The following ZBTB14 variants were observed in gnomAD, a reference collection of about 807,000 sequenced individuals.
ZBTB14 encodes zinc finger and BTB domain containing 14.
A neutral mutation model predicts 29.5 loss-of-function variants in ZBTB14; 8 were observed. The observed-to-expected ratio is 0.27, with a 90% confidence interval of 0.16 to 0.49. The LOEUF (loss-of-function observed/expected upper bound fraction) is 0.49, where lower values mean the gene tolerates loss of function less well. Ranked by LOEUF, ZBTB14 falls within the 20% of genes least tolerant of loss-of-function variation. The probability of loss-of-function intolerance (pLI) is 0.99; values close to 1 mark genes in which losing one functional copy is unlikely to be tolerated. For missense variants in ZBTB14, 333 were observed against 563.8 expected, an observed-to-expected ratio of 0.59 and a Z score of 4.15; for synonymous variants, 226 against 207.2, an observed-to-expected ratio of 1.09 and a Z score of -0.78.
At chr18:5,293,213 A>G (rs768318712) in intron 3 of ZBTB14, 31 bp downstream of exon 3, 5 of 1,610,790 alleles carry the variant, frequency 3.1e-6, no homozygotes, top group Middle Eastern at 1.7e-4. Context: ...AGTCATTTTC[A>G]TCAAGATTTA....
upstream of ZBTB14, chr18:5,296,234 C>G (rs554052625): frequency 6.0e-5 from 9 of 150,686 alleles, no homozygotes; most frequent in South Asian, 1.7e-3. Flanking sequence ...CGCACGCGCG[C>G]GCACGCGCGC....
chr18:5,289,267 A>G lies in ZBTB14; in HGVS notation c.*1591T>C, dbSNP rs2143204521. ...AAAATTAAACATTTTACCAATAACT[A>G]AAATTTTTAAAAAGGTAGCATCTTC... is the stretch of plus-strand genomic sequence containing the variant. On this transcript the variant is annotated 3_prime_UTR_variant, in exon 4 of 4. Transcript: ENST00000651870. The G allele has an allele frequency of 6.6e-6, 1 of 152,338 alleles. No homozygotes were observed. The highest frequency in any genetic ancestry group is 2.4e-5 in the African/African-American group (1 of 41,584). The allele number at this position is 152,338 out of a possible 1,614,324, so 9.4% of individuals were successfully genotyped here.
chr18:5,291,324 T>G lies in ZBTB14; in HGVS notation c.884A>C (p.His295Pro). 1.2e-6 allele frequency: 2 copies of G among 1,614,256 alleles called. No individual in the cohort carries two copies. The highest frequency in any genetic ancestry group is 1.7e-6 in the Non-Finnish European group (2 of 1,180,044). The part of the protein sequence containing the change: ...TFSDEGRLRK[H>P]EKLHTADRPF... ...CCTGTCCGCCGTGTGGAGTTTCTCA[T>G]GCTTCCTCAATCTGCCTTCATCAGA... The change falls in exon 4 of 4, where the codon CAT becomes CCT. Residue 295 changes from histidine to proline, a missense_variant. His to Pro is a moderately conservative substitution (Grantham distance 77). Transcript: ENST00000651870. This position sits in a 1 kb window ranked among gnomAD's most constrained non-coding sequence, Gnocchi z 5.8.
At chr18:5,296,530 C>G (rs2071972229), upstream of ZBTB14, among the ~76,000 whole-genome samples, 3 of 151,710 alleles carry the variant, frequency 2.0e-5, no homozygotes, top group South Asian at 6.2e-4. Context: ...CGTCTCGGAG[C>G]GGGCGCCCCG....
chr18:5,290,626 TG>T lies in ZBTB14; in HGVS notation c.*231del, dbSNP rs11334293. On this transcript the variant is annotated 3_prime_UTR_variant, in exon 4 of 4. Transcript: ENST00000651870. ...AAAAAAAAGGGAGAGAGGTGCTTAC[TG>T]GGCAACATTAATACTAGACACCAGA... 1 allele frequency: 505,713 copies of T among 505,720 alleles called. 252,853 individuals carry two copies. The highest frequency in any genetic ancestry group is 1 in the Middle Eastern group (1,884 of 1,884). The allele number at this position is 505,720 out of a possible 1,614,324, so 31.3% of individuals were successfully genotyped here.
chr18:5,294,416 C>T (rs1476283410), intron 1 of ZBTB14, among the ~76,000 whole-genome samples: 1 of 152,168 alleles, frequency 6.6e-6, no homozygotes, highest in African/African-American at 2.4e-5. Context: ...TGCATGGGAC[C>T]AGAGAGAGGA....
Position 5,291,551 on chromosome 18 carries a change from T to C in ZBTB14, c.657A>G (p.Glu219=). 6.2e-7 allele frequency: 1 copy of C among 1,614,050 alleles called. No individual in the cohort carries two copies. The highest frequency in any genetic ancestry group is 8.5e-7 in the Non-Finnish European group (1 of 1,180,016). The change falls in exon 4 of 4, where the codon GAA becomes GAG. Residue 219 remains glutamate, a synonymous_variant. Coordinates refer to ENST00000651870, the MANE Select transcript of ZBTB14 (RefSeq NM_001243702.2). This position sits in a 1 kb window ranked among gnomAD's most constrained non-coding sequence, Gnocchi z 5.8. ...EVRKVNCYGQ[E]VESMETPESK... ...ATTCTGGGGTCTCCATGGATTCTAC[T>C]TCCTGGCCGTAGCAATTGACCTTCC...
intron 3 of ZBTB14, among the ~76,000 whole-genome samples, chr18:5,292,703 T>C (rs2071844303): frequency 6.6e-6 from 1 of 152,256 alleles, no homozygotes; most frequent in Non-Finnish European, 1.5e-5. Context: ...CCTACTCTTA[T>C]TCCATCTACT....
At chr18:5,294,769 G>C (rs1157771765) in intron 1 of ZBTB14, 2 of 152,190 alleles carry the variant, frequency 1.3e-5, no homozygotes, top group Non-Finnish European at 2.9e-5. Flanking sequence ...ACAGTGCAGG[G>C]AGCCGGGCTT....
rs1430169016 is a variant in ZBTB14, at chr18:5,289,088, T to C, written c.*1770A>G. 6.6e-6 allele frequency: 1 copy of C among 152,230 alleles called. No individual in the cohort carries two copies. The highest frequency in any genetic ancestry group is 1.5e-5 in the Non-Finnish European group (1 of 68,022). The allele number at this position is 152,230 out of a possible 1,614,324, so 9.4% of individuals were successfully genotyped here. A position where few individuals can be genotyped will look rare whatever the true frequency, so the allele number is the denominator to read the frequency against. On this transcript the variant is annotated 3_prime_UTR_variant, in exon 4 of 4. Transcript: ENST00000651870. ...AAATATGGTTTGTTGAAGTAGCTAT[T>C]GACAAGATGTTAAAATTATTTTTCC...
intron 3 of ZBTB14, among the ~76,000 whole-genome samples, chr18:5,292,725 T>A (rs1174724534): frequency 6.6e-6 from 1 of 152,258 alleles, no homozygotes; most frequent in African/African-American, 2.4e-5. Context: ...TATGGAGGAT[T>A]CAGCAAAATA....
In ZBTB14 at chr18:5,290,735, T is replaced by G; in HGVS notation, c.*123A>C. 1 of 1,437,570 alleles carries G rather than the reference T, an allele frequency of 7.0e-7. No individual in the cohort carries two copies. Among genetic ancestry groups the G allele is most frequent in the Non-Finnish European group, 9.4e-7 (1 of 1,068,446 alleles). The allele number at this position is 1,437,570 out of a possible 1,614,324, so 89.1% of individuals were successfully genotyped here. Reference sequence around the variant, plus strand: ...AAAAATAGCTAACCAAGCACTGCCTTAAGTCCAGTGAGTACAATGTTCCAT... The same window carrying G: ...AAAAATAGCTAACCAAGCACTGCCTGAAGTCCAGTGAGTACAATGTTCCAT... On this transcript the variant is annotated 3_prime_UTR_variant, in exon 4 of 4. Coordinates refer to ENST00000651870, the MANE Select transcript of ZBTB14 (RefSeq NM_001243702.2).
Position 5,292,314 on chromosome 18 carries a change from G to A in ZBTB14, c.4-110C>T, listed in dbSNP as rs1320709153. ...CTATGGAACCTAACAATTTCAGAAA[G>A]TCAATGTTAAGAGTGGTCTTTGAAT... On this transcript the variant is annotated intron_variant, in intron 3 of 3. Transcript: ENST00000651870. 289 of 964,800 alleles carry A rather than the reference G, an allele frequency of 3.0e-4. 2 individuals carry two copies. The highest frequency in any genetic ancestry group is 2.3e-5 in the Non-Finnish European group (16 of 685,040). 59.8% of individuals were successfully genotyped at this position (964,800 alleles called of 1,614,324 possible). A position where few individuals can be genotyped will look rare whatever the true frequency, so the allele number is the denominator to read the frequency against.
chr18:5,292,743 T>C (rs1310497025), intron 3 of ZBTB14, among the ~76,000 whole-genome samples: 3 of 152,314 alleles, frequency 2.0e-5, no homozygotes, highest in African/African-American at 7.2e-5. Context: ...ATAATTATGT[T>C]ATACCTCCTT....
chr18:5,296,984 C>G (rs527307829), upstream of ZBTB14: 1 of 152,068 alleles, frequency 6.6e-6, no homozygotes, highest in East Asian at 1.9e-4. Context: ...GCTGGGAAGT[C>G]CCTCCCGCTC....
rs189031156 is a variant in ZBTB14 at position 5,292,243 on chromosome 18, C to T, written c.4-39G>A. 20 of 1,406,410 alleles carry T rather than the reference C, an allele frequency of 1.4e-5. 1 individual carries two copies. The Admixed American group carries it at 4.4e-4, about 31-fold the overall frequency. The allele number at this position is 1,406,410 out of a possible 1,614,324, so 87.1% of individuals were successfully genotyped here. On this transcript the variant is annotated intron_variant, in intron 3 of 3. Transcript: ENST00000651870. ...AAAAGTTTAGTAATTATAAATAGTACTTTTCCATATAGAGAACACAGTCAC... is the reference window on the plus strand; with the variant it reads ...AAAAGTTTAGTAATTATAAATAGTATTTTTCCATATAGAGAACACAGTCAC...
At chr18:5,296,383 T>G (rs1281291171), upstream of ZBTB14, among the ~76,000 whole-genome samples, 1 of 150,032 alleles carries the variant, frequency 6.7e-6, no homozygotes. Flanking sequence ...CCCTGGTTCG[T>G]GGGCTTCCGC....
At chr18:5,296,582 C>T (rs1454428194), upstream of ZBTB14, among the ~76,000 whole-genome samples, 1 of 152,022 alleles carries the variant, frequency 6.6e-6, no homozygotes, top group Non-Finnish European at 1.5e-5. Flanking sequence ...CACCGGGAGG[C>T]GCGCCCACGG....
rs1457922700 is a variant in ZBTB14 at position 5,289,705 on chromosome 18, AAC to A, written c.*1151_*1152del. On this transcript the variant is annotated 3_prime_UTR_variant, in exon 4 of 4. Transcript: ENST00000651870. ...CTGACAATCTTTAATATTTGTTAAAAACAGTCTGATGTTTGTTGCTGATGGAA... is the reference window on the plus strand; with the variant it reads ...CTGACAATCTTTAATATTTGTTAAAAAGTCTGATGTTTGTTGCTGATGGAA... The A allele has an allele frequency of 6.6e-6, 1 of 152,634 alleles. No individual in the cohort carries two copies. The highest frequency in any genetic ancestry group is 2.4e-5 in the African/African-American group (1 of 41,464). The allele number at this position is 152,634 out of a possible 1,614,324, so 9.5% of individuals were successfully genotyped here.
Sources: allele counts gnomAD v4.1 joint callset (sites outside exome capture counted in the v4.1 genomes callset), GRCh38; gene constraint gnomAD v4.1.1; non-coding constraint Gnocchi (gnomAD v3.1); transcripts MANE v1.5; gene names NCBI Gene and HGNC (gene_info 2026-07-23, HGNC 2026-07-21).